EPHA3: variants seen among roughly 807,000 people sequenced by gnomAD.
EPHA3 encodes the protein ephrin type-A receptor 3.
A neutral mutation model predicts 107.1 loss-of-function variants in EPHA3; 42 were observed. The ratio of observed to expected loss-of-function variants is 0.39; its 90% CI spans 0.31 to 0.51. The LOEUF (loss-of-function observed/expected upper bound fraction) is 0.51, where lower values mean the gene tolerates loss of function less well. Ranked by LOEUF, EPHA3 falls within the 20% of genes least tolerant of loss-of-function variation. EPHA3 has a pLI of 0.78. For missense variants in EPHA3, 1,183 were observed against 1,211.2 expected (o/e 0.98, Z 0.35); for synonymous variants, 461 against 424.8 (o/e 1.09, Z -1.05).
chr3:89,204,640 T>C (rs866112133), intron 2 of EPHA3, among the ~76,000 whole-genome samples: 19 of 79,454 alleles, frequency 2.4e-4, no homozygotes, highest in African/African-American at 6.7e-4. Context: ...GTGTGTGTAC[T>C]TTTGAGACCA....
chr3:89,204,077 G>C (rs1200987072), intron 2 of EPHA3, among the ~76,000 whole-genome samples: 2 of 152,082 alleles, frequency 1.3e-5, no homozygotes, highest in Non-Finnish European at 2.9e-5. Context: ...TTCTAAGCAG[G>C]GATCTTACAT....
At chr3:89,422,401 A>G (rs1252823889) in intron 11 of EPHA3, among the ~76,000 whole-genome samples, 1 of 151,396 alleles carries the variant, frequency 6.6e-6, no homozygotes, top group Non-Finnish European at 1.5e-5. Context: ...TAATTTAATG[A>G]ACAAAATAAT....
chr3:89,241,100 G>A (rs985300685), intron 3 of EPHA3, among the ~76,000 whole-genome samples: 2 of 151,278 alleles, frequency 1.3e-5, no homozygotes, highest in African/African-American at 4.9e-5. Context: ...CTGTTAATTT[G>A]AAGCAGTCAA....
intron 3 of EPHA3, among the ~76,000 whole-genome samples, chr3:89,316,169 G>T (rs1016017475): frequency 2.4e-4 from 36 of 151,840 alleles, no homozygotes; most frequent in African/African-American, 8.7e-4. Flanking sequence ...CACGAAAGTA[G>T]GCACAGGAGG....
intron 3 of EPHA3, among the ~76,000 whole-genome samples, chr3:89,302,623 T>G (rs982491127): frequency 1.3e-5 from 2 of 152,154 alleles, no homozygotes; most frequent in African/African-American, 4.8e-5. Context: ...GACTGCTTAT[T>G]TTTCTAATAC....
intron 2 of EPHA3, among the ~76,000 whole-genome samples, chr3:89,151,600 C>T (rs2107044904): frequency 6.6e-6 from 1 of 152,144 alleles, no homozygotes; most frequent in East Asian, 1.9e-4. Context: ...CTGCCTATTT[C>T]AGTACTGTTT....
chr3:89,253,938 T>G (rs1415664207), intron 3 of EPHA3, among the ~76,000 whole-genome samples: 1 of 152,016 alleles, frequency 6.6e-6, no homozygotes, highest in African/African-American at 2.4e-5. Context: ...TACTGTAAGT[T>G]TTAGGGCATA....
At chr3:89,186,626 C>A (rs1705574511) in intron 2 of EPHA3, among the ~76,000 whole-genome samples, 1 of 152,020 alleles carries the variant, frequency 6.6e-6, no homozygotes, top group Non-Finnish European at 1.5e-5. Context: ...TGGCAGAATT[C>A]CATTGTATAT....
chr3:89,311,374 T>G (rs1335537693), intron 3 of EPHA3, among the ~76,000 whole-genome samples: 1 of 152,030 alleles, frequency 6.6e-6, no homozygotes, highest in Non-Finnish European at 1.5e-5. Flanking sequence ...GCTTTTGACA[T>G]TTACTATTTC....
intron 9 of EPHA3, among the ~76,000 whole-genome samples, chr3:89,411,720 C>G (rs1178859410): frequency 6.6e-6 from 1 of 151,820 alleles, no homozygotes; most frequent in South Asian, 2.1e-4. Flanking sequence ...ACTGTGAAAT[C>G]CTAGACTTGT....
intron 3 of EPHA3, among the ~76,000 whole-genome samples, chr3:89,293,745 G>A (rs1258250581): frequency 2.0e-5 from 3 of 152,102 alleles, no homozygotes; most frequent in Non-Finnish European, 4.4e-5. Context: ...TGCCACGATT[G>A]TAAGTTTCCT....
Position 89,449,320 on chromosome 3 carries a change from C to G in EPHA3, c.2442C>G (p.Leu814=), listed in dbSNP as rs2107553567. Residue 814 remains leucine (L), a synonymous_variant, in exon 14 of 17, where the codon CTC becomes CTG. Transcript: ENST00000336596. ...ATGTATGGAGTTATGGGATTGTTCT[C>G]TGGGAGGTGATGTCTTATGGAGAGA... ...ASDVWSYGIV[L]WEVMSYGERP... 6.2e-7 allele frequency: 1 copy of G among 1,611,022 alleles called. No homozygotes were observed. Among genetic ancestry groups the G allele is most frequent in the Non-Finnish European group, 8.5e-7 (1 of 1,177,998 alleles).
At chr3:89,221,696 A>G (rs1704380638) in intron 3 of EPHA3, among the ~76,000 whole-genome samples, 1 of 152,168 alleles carries the variant, frequency 6.6e-6, no homozygotes, top group African/African-American at 2.4e-5. Flanking sequence ...TATTATCGTT[A>G]TTTTATCAGA....
intron 3 of EPHA3, among the ~76,000 whole-genome samples, chr3:89,279,668 G>T (rs1466342231): frequency 6.6e-6 from 1 of 151,464 alleles, no homozygotes; most frequent in Non-Finnish European, 1.5e-5. Flanking sequence ...TTCTAGAGTG[G>T]GTCCTGCAAC....
At chr3:89,265,824 C>A (rs1217612664) in intron 3 of EPHA3, among the ~76,000 whole-genome samples, 1 of 152,036 alleles carries the variant, frequency 6.6e-6, no homozygotes, top group African/African-American at 2.4e-5. Context: ...ACCTGGGCAA[C>A]CTTCTTTTTG....
At chr3:89,214,000 CAAATT>C (rs374199714) in intron 3 of EPHA3, among the ~76,000 whole-genome samples, 9 of 151,822 alleles carry the variant, frequency 5.9e-5, no homozygotes, top group African/African-American at 2.2e-4. Context: ...TTTAATATAA[CAAATT>C]AAACAGATAC....
chr3:89,199,740 CT>C (rs1313926656), intron 2 of EPHA3, among the ~76,000 whole-genome samples: 3 of 152,024 alleles, frequency 2.0e-5, no homozygotes, highest in Admixed American at 1.3e-4. Context: ...ATACCTTCTT[CT>C]TTTTTCCTGT....
chr3:89,365,023 T>A (rs1404048369), intron 5 of EPHA3, among the ~76,000 whole-genome samples: 3 of 151,004 alleles, frequency 2.0e-5, no homozygotes, highest in Non-Finnish European at 4.4e-5. Context: ...TAATGATAAT[T>A]GATACCTACT....
intron 2 of EPHA3, among the ~76,000 whole-genome samples, chr3:89,192,303 C>T (rs1380478219): frequency 6.6e-6 from 1 of 152,126 alleles, no homozygotes; most frequent in Non-Finnish European, 1.5e-5. Flanking sequence ...ACCTACAATA[C>T]TGTGAGTGAC....
Sources: gnomAD v4.1 joint callset for allele counts (sites outside exome capture counted in the v4.1 genomes callset) on GRCh38, gnomAD v4.1.1 for gene constraint, MANE v1.5 for transcripts, NCBI Gene and HGNC (gene_info 2026-07-23, HGNC 2026-07-21) for gene names.